The following MCF2L2 variants were observed in gnomAD, a reference collection of about 807,000 sequenced individuals.
MCF2L2 encodes the protein MCF.2 cell line derived transforming sequence-like 2, also known as probable guanine nucleotide exchange factor MCF2L2.
A neutral mutation model predicts 150.2 loss-of-function variants in MCF2L2; 102 were observed. The ratio of observed to expected loss-of-function variants is 0.68; its 90% CI spans 0.58 to 0.80. The LOEUF is 0.80. MCF2L2 is among the 30% of genes least tolerant of loss of function. MCF2L2 has a pLI of 0.00. For missense variants in MCF2L2, 1,256 were observed against 1,372.8 expected, an observed-to-expected ratio of 0.91 and a Z score of 1.34; for synonymous variants, 465 against 491.3, an observed-to-expected ratio of 0.95 and a Z score of 0.71.
chr3:183,179,110 A>G lies in MCF2L2; in HGVS notation c.*270T>C, dbSNP rs620722. On this transcript the variant is annotated 3_prime_UTR_variant, in exon 30 of 30. Coordinates refer to ENST00000328913, the MANE Select transcript of MCF2L2 (RefSeq NM_015078.4). The surrounding 1 kb of genome is among the most constrained non-coding windows in gnomAD (Gnocchi z 4.2). ...AGCAAAGAATTGCCCGGCTCCGAAT[A>G]TCGAAGTGCGCGGTCGAGAAGGCGT... 0.87 allele frequency: 327,039 copies of G among 375,260 alleles called. 143,056 individuals are homozygous for G. The highest frequency in any genetic ancestry group is 0.9 in the East Asian group (22,771 of 25,338). The allele number at this position is 375,260 out of a possible 1,614,324, so 23.2% of individuals were successfully genotyped here.
chr3:183,316,437 C>A (rs904002610), intron 7 of MCF2L2, among the ~76,000 whole-genome samples: 1 of 151,646 alleles, frequency 6.6e-6, no homozygotes, highest in East Asian at 1.9e-4. Context: ...CTCCATCTCC[C>A]GGGTTCAAGC....
chr3:183,304,771 G>T (rs1178121193), intron 10 of MCF2L2, among the ~76,000 whole-genome samples: 1 of 151,758 alleles, frequency 6.6e-6, no homozygotes, highest in East Asian at 1.9e-4. Context: ...ACCGCGCCTG[G>T]TCTGGGCAGT....
Position 183,179,713 on chromosome 3 carries a change from G to T in MCF2L2, c.3106-21C>A. The stretch of plus-strand genomic sequence containing the variant: ...GCGAGCTGGAAGGGAGGGGACGGGT[G>T]CACCCTCAGAGTTATTGCTGGAGGC... On this transcript the variant is annotated intron_variant, in intron 28 of 29. Transcript: ENST00000328913. This position sits in a 1 kb window ranked among gnomAD's most constrained non-coding sequence, Gnocchi z 4.2. The T allele has an allele frequency of 6.2e-7, 1 of 1,600,694 alleles. No individual in the cohort carries two copies. Among genetic ancestry groups the T allele is most frequent in the Non-Finnish European group, 8.6e-7 (1 of 1,168,190 alleles).
chr3:183,255,409 C>A (rs2108397584), intron 15 of MCF2L2, among the ~76,000 whole-genome samples: 1 of 152,334 alleles, frequency 6.6e-6, no homozygotes, highest in South Asian at 2.1e-4. Flanking sequence ...AAGCTAAACG[C>A]AATACCAGAA....
intron 14 of MCF2L2, among the ~76,000 whole-genome samples, chr3:183,277,720 C>T (rs2108460551): frequency 1.4e-5 from 2 of 147,568 alleles, no homozygotes; most frequent in East Asian, 2.2e-4. Flanking sequence ...CTAGGCTGGT[C>T]TTGAACTCCT....
chr3:183,192,856 C>T, intron 27 of MCF2L2, 143 bp downstream of exon 27: 1 of 602,574 alleles, frequency 1.7e-6, no homozygotes, highest in Non-Finnish European at 2.9e-6. Context: ...GATTTTAAAC[C>T]ACATGGTGGT....
At position 183,179,468 on chromosome 3, in the gene MCF2L2, G is replaced by T; in HGVS notation, c.3257C>A (p.Ala1086Glu). 1 of 1,599,892 alleles carries T rather than the reference G, an allele frequency of 6.3e-7. No individual in the cohort carries two copies. The change falls in exon 30 of 30, where the codon GCG becomes GAG. Residue 1086 changes from alanine to glutamate, a missense_variant. By Grantham distance (107) the Ala-to-Glu change is moderately radical (BLOSUM62 -1). Transcript: ENST00000328913. The surrounding 1 kb of genome is among the most constrained non-coding windows in gnomAD (Gnocchi z 4.2). ...CGCAGGAGCCAGCCGGCCCGTGGAC[G>T]CCCCAGCGCGCTCCTCCTCGGTGCT... ...TRSTEEERAG[A>E]STGRLAPAGA...
Position 183,220,753 on chromosome 3 carries a change from T to G in MCF2L2, c.2302-829A>C, listed in dbSNP as rs1284922102. 2.6e-5 allele frequency among the ~76,000 whole-genome samples: 4 copies of G among 152,244 alleles called. No homozygotes were observed. The South Asian group carries it at 8.3e-4, about 32-fold the overall frequency. On this transcript the variant is annotated intron_variant, in intron 20 of 29. Coordinates refer to ENST00000328913, the MANE Select transcript of MCF2L2 (RefSeq NM_015078.4). ...ATCCTACCTCACTGTTGTTTTAATTTGACTTCCTTAGATAACTAGAGGTGT... is the reference window on the plus strand; with the variant it reads ...ATCCTACCTCACTGTTGTTTTAATTGGACTTCCTTAGATAACTAGAGGTGT...
In MCF2L2 at chr3:183,179,264, C is replaced by T. The variant is rs1297296034; in HGVS notation, c.*116G>A. On this transcript the variant is annotated 3_prime_UTR_variant, in exon 30 of 30. Transcript: ENST00000328913. This position sits in a 1 kb window ranked among gnomAD's most constrained non-coding sequence, Gnocchi z 4.2. ...GAGGCCCTGGTTGTCCCCTTTCTGC[C>T]GCCGCCGAGGCTCCGGCTGCTTTCT... 9.8e-6 allele frequency: 13 copies of T among 1,324,838 alleles called. No individual in the cohort carries two copies. The highest frequency in any genetic ancestry group is 2.8e-4 in the Middle Eastern group (1 of 3,596). The allele number at this position is 1,324,838 out of a possible 1,614,324, so 82.1% of individuals were successfully genotyped here.
Position 183,206,121 on chromosome 3 carries a change from C to T in MCF2L2, c.2805+1G>A, listed in dbSNP as rs771041363. ...ACCCATGGGGAAGGCATGAGCGTTA[C>T]CTGCAGGATGTATTTCTCAAGTCCA... On this transcript the variant is annotated splice_donor_variant, in intron 24 of 29. Transcript: ENST00000328913. LOFTEE classifies it high-confidence loss of function. 27 of 1,613,554 alleles carry T rather than the reference C, an allele frequency of 1.7e-5. No individual in the cohort carries two copies. Among genetic ancestry groups the T allele is most frequent in the Non-Finnish European group, 2.2e-5 (26 of 1,179,630 alleles).
At chr3:183,372,413 G>C (rs1301439903) in intron 3 of MCF2L2, 2 of 150,466 alleles carry the variant, frequency 1.3e-5, no homozygotes, top group Non-Finnish European at 2.9e-5. Context: ...TGAGGAAAAT[G>C]AATGTAGAAA....
chr3:183,279,959 T>C (rs1285695166), intron 14 of MCF2L2, among the ~76,000 whole-genome samples: 1 of 150,758 alleles, frequency 6.6e-6, no homozygotes, highest in East Asian at 1.9e-4. Flanking sequence ...AACCCGGAGG[T>C]GGAGGTTGAG....
At chr3:183,377,924 A>G (rs1713284668) in intron 3 of MCF2L2, 1 of 152,274 alleles carries the variant, frequency 6.6e-6, no homozygotes, top group Non-Finnish European at 1.5e-5. Context: ...GGGAGGAGGA[A>G]AGGAGGAAAT....
intron 13 of MCF2L2, among the ~76,000 whole-genome samples, chr3:183,291,158 C>T (rs1036326423): frequency 1.3e-5 from 2 of 152,182 alleles, no homozygotes. Flanking sequence ...ATTCCAGGCA[C>T]AATAACTAGA....
intron 10 of MCF2L2, among the ~76,000 whole-genome samples, chr3:183,301,398 G>T (rs556530324): frequency 6.6e-6 from 1 of 152,260 alleles, no homozygotes; most frequent in South Asian, 2.1e-4. Flanking sequence ...ATTAGATGGT[G>T]GGGAGGGCAG....
At chr3:183,298,765 G>GCGCGCGCGCGCGCA in intron 11 of MCF2L2, 14 of 138,578 alleles carry the variant, frequency 1.0e-4, no homozygotes, top group African/African-American at 3.5e-4. Context: ...AAACACACAT[G>GCGCGCGCGCGCGCA]CACACACACA....
Position 183,223,357 on chromosome 3 carries a change from T to C in MCF2L2, c.2290A>G (p.Met764Val). ...CTCATTGATTTTACCTTCAACAGCA[T>C]CTGGTATTTTATAAGTCTCTGGCTT... ...GPSQRLIKYQ[M>V]LLKGLLDFES... Residue 764 changes from methionine to valine, a missense_variant, in exon 20 of 30, where the codon ATG becomes GTG. By Grantham distance (21) the Met-to-Val change is conservative. Coordinates refer to ENST00000328913, the MANE Select transcript of MCF2L2 (RefSeq NM_015078.4). 6.2e-7 allele frequency: 1 copy of C among 1,613,360 alleles called. No individual in the cohort carries two copies. The highest frequency in any genetic ancestry group is 8.5e-7 in the Non-Finnish European group (1 of 1,179,244).
chr3:183,300,040 CT>C lies in MCF2L2; in HGVS notation c.1269del (p.Gly424GlufsTer4). The stretch of plus-strand genomic sequence containing the variant: ...TGTCTATGAAACTCTAAGGACTTTC[CT>C]AAAATGTCCCATTTTTTCTTGTTTC... ...INGNKKKWDI[L>X]GKSLEFHRQL... On this transcript the variant is annotated frameshift_variant, in exon 11 of 30. Coordinates refer to ENST00000328913, the MANE Select transcript of MCF2L2 (RefSeq NM_015078.4). LOFTEE classifies it high-confidence loss of function. 1 of 1,613,812 alleles carries C rather than the reference CT, an allele frequency of 6.2e-7. No homozygotes were observed. Among genetic ancestry groups the C allele is most frequent in the Non-Finnish European group, 8.5e-7 (1 of 1,179,898 alleles).
intron 25 of MCF2L2, among the ~76,000 whole-genome samples, chr3:183,205,343 C>T (rs111766548): frequency 2.4e-3 from 371 of 152,244 alleles, no homozygotes; most frequent in Admixed American, 4.1e-3. Flanking sequence ...TGCCACTGCA[C>T]TCCAGCCTGG....
Sources: gnomAD v4.1 joint callset for allele counts (sites outside exome capture counted in the v4.1 genomes callset) on GRCh38, gnomAD v4.1.1 for gene constraint, Gnocchi (gnomAD v3.1) non-coding constraint, MANE v1.5 for transcripts, NCBI Gene and HGNC (gene_info 2026-07-23, HGNC 2026-07-21) for gene names.